KCNMA1: variants seen among roughly 807,000 people sequenced by gnomAD.
KCNMA1 encodes the protein potassium calcium-activated channel subfamily M alpha 1.
Under a neutral mutation model 140.0 loss-of-function variants are expected in KCNMA1, and 29 were observed. That is an observed-to-expected ratio of 0.21 (90% confidence interval 0.15 to 0.28). The LOEUF is 0.28. KCNMA1 is among the 10% of genes least tolerant of loss of function. The pLI is 1.00. For synonymous variants in KCNMA1, 612 were observed against 611.9 expected (o/e 1.00, Z 0.00); for missense variants, 880 against 1,602.2 (o/e 0.55, Z 7.70).
chr10:77,389,300 G>A (rs1456032989), intron 2 of KCNMA1, among the ~76,000 whole-genome samples: 1 of 152,140 alleles, frequency 6.6e-6, no homozygotes, highest in Non-Finnish European at 1.5e-5. Context: ...TTTGGCCACA[G>A]TAATGTTTCC....
intron 23 of KCNMA1, among the ~76,000 whole-genome samples, chr10:76,925,346 G>C (rs991645884): frequency 3.3e-5 from 5 of 152,072 alleles, no homozygotes; most frequent in Non-Finnish European, 5.9e-5. Context: ...GAGGACAAAG[G>C]CTGTTTTGCC....
intron 9 of KCNMA1, among the ~76,000 whole-genome samples, chr10:77,101,092 G>C (rs888776269): frequency 2.0e-5 from 3 of 152,034 alleles, no homozygotes; most frequent in African/African-American, 7.2e-5. Flanking sequence ...TTTAAATAGA[G>C]CTTCAAGTTT....
intron 2 of KCNMA1, among the ~76,000 whole-genome samples, chr10:77,331,491 A>G (rs547206433): frequency 7.9e-5 from 12 of 152,238 alleles, no homozygotes; most frequent in African/African-American, 2.9e-4. Flanking sequence ...ATCAATATTC[A>G]AATACCACTT....
At chr10:77,360,331 G>A (rs879218798) in intron 2 of KCNMA1, among the ~76,000 whole-genome samples, 2 of 152,234 alleles carry the variant, frequency 1.3e-5, no homozygotes, top group Admixed American at 1.3e-4. Flanking sequence ...CCTGGCAAGA[G>A]GCAGGTCAGT....
chr10:77,107,655 A>G (rs982843938), intron 9 of KCNMA1, among the ~76,000 whole-genome samples: 1 of 152,230 alleles, frequency 6.6e-6, no homozygotes, highest in Non-Finnish European at 1.5e-5. Flanking sequence ...ATAGTTCCCG[A>G]GAAGAAAGCA....
At chr10:77,557,944 A>C (rs1178632730) in intron 1 of KCNMA1, among the ~76,000 whole-genome samples, 2 of 152,170 alleles carry the variant, frequency 1.3e-5, no homozygotes, top group Non-Finnish European at 2.9e-5. Flanking sequence ...ATAAGCTAAC[A>C]TCCCAGAATG....
intron 2 of KCNMA1, among the ~76,000 whole-genome samples, chr10:77,312,351 C>T (rs1207107284): frequency 6.6e-6 from 1 of 152,178 alleles, no homozygotes; most frequent in Non-Finnish European, 1.5e-5. Context: ...GATGGCCGGC[C>T]GCGGTGGCTC....
intron 17 of KCNMA1, chr10:77,012,420 C>T (rs1041655276): frequency 4.5e-6 from 7 of 1,546,938 alleles, no homozygotes; most frequent in Non-Finnish European, 6.1e-6. Flanking sequence ...AAATACAACA[C>T]CAAAATTCCC....
chr10:77,422,241 CAG>C (rs2096882422), intron 1 of KCNMA1, among the ~76,000 whole-genome samples: 2 of 152,210 alleles, frequency 1.3e-5, no homozygotes, highest in South Asian at 4.1e-4. Flanking sequence ...TAGTGTGCAT[CAG>C]AGTCACCAGG....
At chr10:76,956,966 C>CA (rs2153019536) in intron 20 of KCNMA1, among the ~76,000 whole-genome samples, 1 of 151,378 alleles carries the variant, frequency 6.6e-6, no homozygotes, top group East Asian at 2.0e-4. Context: ...ATTAAAAATA[C>CA]AAAAAAATTA....
At chr10:77,261,457 G>T (rs1420278229) in intron 2 of KCNMA1, among the ~76,000 whole-genome samples, 1 of 152,126 alleles carries the variant, frequency 6.6e-6, no homozygotes, top group African/African-American at 2.4e-5. Context: ...CTGCAGGTTC[G>T]TGTTCCCCAA....
chr10:76,966,403 G>C (rs1321730717), intron 20 of KCNMA1, among the ~76,000 whole-genome samples: 1 of 152,190 alleles, frequency 6.6e-6, no homozygotes, highest in Non-Finnish European at 1.5e-5. Flanking sequence ...CCTGAATGGA[G>C]ATTTCAGGAA....
chr10:77,551,166 T>C (rs2062753427), intron 1 of KCNMA1, among the ~76,000 whole-genome samples: 1 of 152,116 alleles, frequency 6.6e-6, no homozygotes, highest in Non-Finnish European at 1.5e-5. Context: ...ACATGTATCA[T>C]GGAGTGACAG....
chr10:76,941,433 T>C (rs1591431195), intron 23 of KCNMA1, among the ~76,000 whole-genome samples: 1 of 151,972 alleles, frequency 6.6e-6, no homozygotes, highest in African/African-American at 2.4e-5. Context: ...AGGAGTGGAG[T>C]GCTGGGTCTG....
In KCNMA1 at chr10:76,982,672, A is replaced by G. The variant is rs545838915; in HGVS notation, c.2267-12605T>C. The stretch of plus-strand genomic sequence containing the variant: ...CATTCCAAATGATAGAATTTGCACA[A>G]TATTTAGTAATAATCTGAAGCCTCT... On this transcript the variant is annotated intron_variant, in intron 19 of 27. Coordinates refer to ENST00000286628, the MANE Select transcript of KCNMA1 (RefSeq NM_001161352.2). Among the ~76,000 whole-genome samples, 4 of 152,242 alleles carry G rather than the reference A, an allele frequency of 2.6e-5. No homozygotes were observed. The East Asian group carries it at 7.7e-4, about 29-fold the overall frequency.
At chr10:77,478,892 T>A (rs1433043520) in intron 1 of KCNMA1, among the ~76,000 whole-genome samples, 1 of 152,152 alleles carries the variant, frequency 6.6e-6, no homozygotes, top group Non-Finnish European at 1.5e-5. Context: ...TTAAAATATG[T>A]TTATAGAGTC....
chr10:77,121,868 A>G (rs1179016753), intron 5 of KCNMA1, among the ~76,000 whole-genome samples: 1 of 152,352 alleles, frequency 6.6e-6, no homozygotes, highest in East Asian at 1.9e-4. Flanking sequence ...CCTGGGCTAT[A>G]ATAATTTGGC....
chr10:77,310,652 G>C (rs1329230417), intron 2 of KCNMA1, among the ~76,000 whole-genome samples: 1 of 152,208 alleles, frequency 6.6e-6, no homozygotes, highest in African/African-American at 2.4e-5. Flanking sequence ...AGCTTTGGAG[G>C]AAATAGGAGG....
intron 23 of KCNMA1, among the ~76,000 whole-genome samples, chr10:76,932,797 C>T (rs2059603563): frequency 6.6e-6 from 1 of 152,198 alleles, no homozygotes; most frequent in African/African-American, 2.4e-5. Flanking sequence ...CTTCCAAGTT[C>T]CTCCTGCTCC....
Sources: allele counts gnomAD v4.1 joint callset (sites outside exome capture counted in the v4.1 genomes callset), GRCh38; gene constraint gnomAD v4.1.1; transcripts MANE v1.5; gene names NCBI Gene and HGNC (gene_info 2026-07-23, HGNC 2026-07-21).